The following DGKB variants were observed in gnomAD, a reference collection of about 807,000 sequenced individuals.
DGKB encodes the protein diacylglycerol kinase beta.
DGKB carries 67 observed loss-of-function variants against 114.3 expected under a neutral mutation model. The ratio of observed to expected loss-of-function variants is 0.59; its 90% confidence interval spans 0.48 to 0.72. DGKB has a LOEUF of 0.72. DGKB is among the 30% of genes least tolerant of loss of function. The pLI, the probability that DGKB is intolerant of heterozygous loss-of-function variation, is 0.00. For missense variants in DGKB, 907 were observed against 975.2 expected, an observed-to-expected ratio of 0.93 and a Z score of 0.93; for synonymous variants, 398 against 323.1, an observed-to-expected ratio of 1.23 and a Z score of -2.49.
At chr7:14,557,555 A>G (rs1796052215) in intron 20 of DGKB, among the ~76,000 whole-genome samples, 1 of 151,804 alleles carries the variant, frequency 6.6e-6, no homozygotes, top group Non-Finnish European at 1.5e-5. Flanking sequence ...TTCTTTCTTA[A>G]TTTGACTATT....
chr7:14,494,233 T>C (rs539464881), intron 20 of DGKB, among the ~76,000 whole-genome samples: 1 of 152,174 alleles, frequency 6.6e-6, no homozygotes, highest in South Asian at 2.1e-4. Flanking sequence ...ATATTTTCTA[T>C]GATATTAACT....
rs376912512 is a variant in DGKB at position 14,395,845 on chromosome 7, C to T, written c.1836-50454G>A. On this transcript the variant is annotated intron_variant, in intron 21 of 25. Transcript: ENST00000402815. ...CATCTATATATAACCTATTGGATTA[C>T]TAGTTTCTCTAAGAAAAAGGGTTAA... 4.7e-4 allele frequency among the ~76,000 whole-genome samples: 72 copies of T among 151,924 alleles called. 1 individual carries two copies. The South Asian group carries it at 0.014, about 30-fold the overall frequency.
At chr7:14,562,788 G>A (rs1053292478) in intron 20 of DGKB, among the ~76,000 whole-genome samples, 1 of 152,130 alleles carries the variant, frequency 6.6e-6, no homozygotes, top group Non-Finnish European at 1.5e-5. Context: ...GAAGGGACTT[G>A]CCTTGTTTTA....
At chr7:14,363,841 C>A (rs1816180740) in intron 21 of DGKB, among the ~76,000 whole-genome samples, 1 of 152,050 alleles carries the variant, frequency 6.6e-6, no homozygotes, top group Admixed American at 6.6e-5. Flanking sequence ...CATATCTACA[C>A]TCTTAGAGTG....
chr7:14,169,237 C>A (rs528654215), intron 25 of DGKB, among the ~76,000 whole-genome samples: 2 of 150,406 alleles, frequency 1.3e-5, no homozygotes, highest in Admixed American at 1.3e-4. Context: ...TGGTGGCGGG[C>A]GCCTGTAGTC....
intron 25 of DGKB, among the ~76,000 whole-genome samples, chr7:14,164,651 AATG>A (rs1240331462): frequency 6.6e-6 from 1 of 152,200 alleles, no homozygotes; most frequent in Non-Finnish European, 1.5e-5. Context: ...TGTAAATGAT[AATG>A]AGGAAACAAT....
At chr7:14,166,325 G>GA (rs1784604310) in intron 25 of DGKB, among the ~76,000 whole-genome samples, 1 of 152,236 alleles carries the variant, frequency 6.6e-6, no homozygotes, top group Admixed American at 6.5e-5. Context: ...CACAAGAGTA[G>GA]AAAAAATATC....
chr7:14,529,026 G>C (rs574196736), intron 20 of DGKB, among the ~76,000 whole-genome samples: 2 of 151,944 alleles, frequency 1.3e-5, no homozygotes, highest in African/African-American at 2.4e-5. Flanking sequence ...CAATTACTGG[G>C]ACCCAAGTTG....
chr7:14,938,017 G>A (rs971762772), intron 1 of DGKB, among the ~76,000 whole-genome samples: 3 of 152,170 alleles, frequency 2.0e-5, no homozygotes, highest in African/African-American at 7.2e-5. Context: ...GGAGTCACAA[G>A]TTATATTTAA....
rs1167382936 is a variant in DGKB at position 14,766,001 on chromosome 7, T to C, written c.71-8270A>G. 2.0e-5 allele frequency among the ~76,000 whole-genome samples: 3 copies of C among 151,964 alleles called. No homozygotes were observed. The East Asian group carries it at 5.8e-4, about 29-fold the overall frequency. Reference sequence around the variant, plus strand: ...TGGAGTTGGGAAAGAATGCTAACATTCAGCTCTGATAAGCAATAATTAATG... The same window carrying C: ...TGGAGTTGGGAAAGAATGCTAACATCCAGCTCTGATAAGCAATAATTAATG... On this transcript the variant is annotated intron_variant, in intron 2 of 25. Coordinates refer to ENST00000402815, the MANE Select transcript of DGKB (RefSeq NM_001350709.2).
At chr7:14,587,509 G>T in intron 17 of DGKB, among the ~76,000 whole-genome samples, 1 of 152,124 alleles carries the variant, frequency 6.6e-6, no homozygotes, top group East Asian at 1.9e-4. Context: ...GGCAGCAGCA[G>T]GATTTGAGAA....
chr7:14,381,315 C>T (rs77847152), intron 21 of DGKB, among the ~76,000 whole-genome samples: 1,712 of 152,276 alleles, frequency 0.011, 30 homozygotes, highest in African/African-American at 0.039. Context: ...GCTCCAGGTC[C>T]TGACAATTTC....
intron 23 of DGKB, among the ~76,000 whole-genome samples, chr7:14,210,057 C>T (rs933899509): frequency 2.6e-5 from 4 of 151,988 alleles, no homozygotes; most frequent in African/African-American, 9.7e-5. Flanking sequence ...AGTGGTACAA[C>T]AAGAACATCT....
At chr7:14,517,968 C>T (rs993325325) in intron 20 of DGKB, among the ~76,000 whole-genome samples, 2 of 152,088 alleles carry the variant, frequency 1.3e-5, no homozygotes, top group Non-Finnish European at 2.9e-5. Context: ...GGGGTATACG[C>T]CCAAAGGGAT....
intron 13 of DGKB, among the ~76,000 whole-genome samples, chr7:14,633,010 C>T (rs547700972): frequency 6.6e-6 from 1 of 151,816 alleles, no homozygotes; most frequent in Admixed American, 6.6e-5. Context: ...TAATAATCCT[C>T]CCATTTGAAG....
chr7:14,663,643 TTCCTTCCC>T (rs1454942736), intron 13 of DGKB, among the ~76,000 whole-genome samples: 78 of 144,282 alleles, frequency 5.4e-4, no homozygotes, highest in African/African-American at 1.7e-3. Flanking sequence ...CCTCCCTTCC[TTCCTTCCC>T]TCCTTCCCTC....
intron 20 of DGKB, among the ~76,000 whole-genome samples, chr7:14,492,581 G>T (rs1308954265): frequency 2.0e-5 from 3 of 151,880 alleles, no homozygotes; most frequent in South Asian, 2.1e-4. Flanking sequence ...AGAATTAATG[G>T]GTATTAGATG....
chr7:14,232,049 C>T (rs1791947728), intron 23 of DGKB, among the ~76,000 whole-genome samples: 1 of 151,934 alleles, frequency 6.6e-6, no homozygotes, highest in Non-Finnish European at 1.5e-5. Context: ...TGGCCCATCC[C>T]GGTTTGCTAA....
At chr7:14,189,682 G>T (rs769290903) in intron 23 of DGKB, among the ~76,000 whole-genome samples, 1 of 151,972 alleles carries the variant, frequency 6.6e-6, no homozygotes, top group African/African-American at 2.4e-5. Context: ...CCTCAAAAAA[G>T]GCAGGCTGAA....
Sources: gnomAD v4.1 joint callset for allele counts (sites outside exome capture counted in the v4.1 genomes callset) on GRCh38, gnomAD v4.1.1 for gene constraint, MANE v1.5 for transcripts, NCBI Gene and HGNC (gene_info 2026-07-23, HGNC 2026-07-21) for gene names.